The following SYP variants were observed in gnomAD, a reference collection of about 807,000 sequenced individuals.
The protein encoded by SYP is major synaptic vesicle protein P38.
A neutral mutation model predicts 24.3 loss-of-function variants in SYP; 2 were observed. That is an observed-to-expected ratio of 0.08 (90% confidence interval 0.03 to 0.26). The LOEUF (loss-of-function observed/expected upper bound fraction) is 0.26. Among genes scored for constraint, SYP ranks in the 10% least tolerant of loss-of-function variants. The probability of loss-of-function intolerance (pLI) is 1.00; values close to 1 mark genes in which losing one functional copy is unlikely to be tolerated. For synonymous variants in SYP, 143 were observed against 123.2 expected (o/e 1.16, Z -1.07); for missense variants, 216 against 266.3 (o/e 0.81, Z 1.32).
chrX:49,197,574 A>T (rs2147884026), intron 3 of SYP, 141 bp downstream of exon 3: 1 of 889,771 alleles, frequency 1.1e-6, no homozygotes, highest in East Asian at 3.4e-5. Flanking sequence ...TGCCAGGTAC[A>T]AGGCAGGTGC....
intron 1 of SYP, 65 bp from the exon 2 acceptor site, chrX:49,199,098 C>A: frequency 9.1e-7 from 1 of 1,101,519 alleles, no homozygotes; most frequent in Non-Finnish European, 1.2e-6. Flanking sequence ...AGCGGCAAGG[C>A]TGCCCATCAA....
chrX:49,190,324 C>T (rs1032731657), intron 6 of SYP, among the ~76,000 whole-genome samples: 9 of 109,218 alleles, frequency 8.2e-5, no homozygotes, highest in Non-Finnish European at 1.7e-4. Context: ...GAACTACAGA[C>T]GTGCGCCACC....
intron 3 of SYP, among the ~76,000 whole-genome samples, chrX:49,195,860 T>C (rs2065526718): frequency 8.9e-6 from 1 of 112,320 alleles, no homozygotes; most frequent in South Asian, 3.7e-4. Flanking sequence ...AGACCCTTTT[T>C]ACAGATGAAT....
rs1266304876 is a variant in SYP at position 49,189,127 on chromosome X, GATAA to G, written c.*156_*159del. 3.7e-5 allele frequency: 4 copies of G among 108,473 alleles called. No homozygotes were observed. Among genetic ancestry groups the G allele is most frequent in the African/African-American group, 1.0e-4 (3 of 29,685 alleles). 8.9% of individuals were successfully genotyped at this position (108,473 alleles called of 1,213,427 possible). ...GTGGAGTGAGGGCAGGGCTCAGACA[GATAA>G]ATAGATATTTATATATAATATATAT... On this transcript the variant is annotated 3_prime_UTR_variant, in exon 7 of 7. Transcript: ENST00000263233.
At chrX:49,197,904 C>T (rs2065534261) in intron 2 of SYP, 65 bp from the exon 3 acceptor site, 1 of 1,194,762 alleles carries the variant, frequency 8.4e-7, no homozygotes, top group African/African-American at 1.7e-5. Flanking sequence ...AGGTGCCCTC[C>T]TCTGGACAGA....
At chrX:49,197,980 A>C in intron 2 of SYP, 141 bp from the exon 3 acceptor site, 59 of 782,434 alleles carry the variant, frequency 7.5e-5, no homozygotes, top group Non-Finnish European at 1.0e-4. Flanking sequence ...ATCAGGGCTC[A>C]TCGGGACCAA....
At chrX:49,191,871 G>T in intron 5 of SYP, 108 bp from the exon 6 acceptor site, 1 of 909,959 alleles carries the variant, frequency 1.1e-6, no homozygotes, top group Non-Finnish European at 1.6e-6. Context: ...CAAGGTGGGG[G>T]TTTCTGAAAC....
At chrX:49,193,675 G>C (rs2065518729) in intron 4 of SYP, among the ~76,000 whole-genome samples, 1 of 113,013 alleles carries the variant, frequency 8.8e-6, no homozygotes, top group African/African-American at 3.2e-5. Flanking sequence ...GTGTGATTGT[G>C]ATATGTGGCT....
At chrX:49,194,865 C>T (rs782663114) in intron 3 of SYP, among the ~76,000 whole-genome samples, 255 of 110,842 alleles carry the variant, frequency 2.3e-3, no homozygotes, top group African/African-American at 7.8e-3. Flanking sequence ...TGCGCCGCTA[C>T]GCCCAGCTAA....
In SYP at chrX:49,191,599, G is replaced by A. The variant is rs1557102736; in HGVS notation, c.780C>T (p.Gly260=). 1 of 1,209,553 alleles carries A rather than the reference G, an allele frequency of 8.3e-7. No homozygotes were observed. Among genetic ancestry groups the A allele is most frequent in the Non-Finnish European group, 1.1e-6 (1 of 894,796 alleles). ...CGTAGGAATCCTGGGGCCCGTACCC[G>A]CCGGGGCCCTGCCCGTAGCCTGCAT... is the stretch of plus-strand genomic sequence containing the variant. ...YGDAGYGQGP[G]GYGPQDSYGP... The change falls in exon 6 of 7, where the codon GGC becomes GGT. Residue 260 remains glycine, a synonymous_variant. Coordinates refer to ENST00000263233, the MANE Select transcript of SYP (RefSeq NM_003179.3).
Position 49,191,488 on chromosome X carries a change from C to T in SYP, c.891G>A (p.Gln297=). 8.3e-7 allele frequency: 1 copy of T among 1,211,654 alleles called. No individual in the cohort carries two copies. The highest frequency in any genetic ancestry group is 1.1e-6 in the Non-Finnish European group (1 of 895,518). The change falls in exon 6 of 7, where the codon CAG becomes CAA. Residue 297 remains glutamine (Q), a synonymous_variant. Transcript: ENST00000263233. ...SGYGPQGDYG[Q]QGYGPQGAPT... is the part of the protein sequence containing the mutation. Reference sequence around the variant, plus strand: ...GTGCACCCTGCGGGCCGTAGCCTTGCTGCCCATAGTCGCCCTGAGGCCCGT... The same window carrying T: ...GTGCACCCTGCGGGCCGTAGCCTTGTTGCCCATAGTCGCCCTGAGGCCCGT...
In SYP at chrX:49,193,472, G is replaced by A. The variant is rs376119622; in HGVS notation, c.424-9C>T. ...GCCGTGGCCAGAAAGTCCTAAGGCA[G>A]GCAGGGGTGAGGAAGACAGCACTGT... On this transcript the variant is annotated splice_polypyrimidine_tract_variant and intron_variant, in intron 4 of 6. Transcript: ENST00000263233. 56 of 1,209,773 alleles carry A rather than the reference G, an allele frequency of 4.6e-5. No homozygotes were observed. In the African/African-American group the frequency reaches 9.5e-4, roughly 21 times the overall value.
At chrX:49,190,115 TTTTCCTCCTGCC>T (rs1557102461) in intron 6 of SYP, among the ~76,000 whole-genome samples, 2 of 110,587 alleles carry the variant, frequency 1.8e-5, no homozygotes, top group Middle Eastern at 4.6e-3. Context: ...CCCCTTAGCC[TTTTCCTCCTGCC>T]TTTCCTCCCC....
chrX:49,198,034 C>G (rs1471032345), intron 2 of SYP, 195 bp from the exon 3 acceptor site: 1 of 473,561 alleles, frequency 2.1e-6, no homozygotes, highest in African/African-American at 2.4e-5. Context: ...TCCTGTTTCT[C>G]TCTCTGTGTC....
At chrX:49,192,628 T>G (rs1272557099) in intron 5 of SYP, among the ~76,000 whole-genome samples, 1 of 112,501 alleles carries the variant, frequency 8.9e-6, no homozygotes, top group Non-Finnish European at 1.9e-5. Context: ...CATTTTACAG[T>G]TGAGGAAACT....
In SYP at chrX:49,198,976, G is replaced by C; in HGVS notation, c.94C>G (p.Leu32Val). The change falls in exon 2 of 7, where the codon CTG (leucine) becomes GTG (valine). Residue 32 changes from leucine to valine, a missense_variant. Leu to Val is a conservative substitution (Grantham distance 32). Coordinates refer to ENST00000263233, the MANE Select transcript of SYP (RefSeq NM_003179.3). ...VKEPLGFVKV[L>V]QWVFAIFAFA... ...GCCCGGACCACACTCACCCATTGCA[G>C]CACCTTCACAAAGCCGAGGGGCTCC... The C allele has an allele frequency of 1.7e-6, 2 of 1,211,365 alleles. No homozygotes were observed. Among genetic ancestry groups the C allele is most frequent in the Non-Finnish European group, 2.2e-6 (2 of 895,348 alleles).
At chrX:49,194,394 C>T in intron 3 of SYP, 33 bp from the exon 4 acceptor site, 1 of 1,186,894 alleles carries the variant, frequency 8.4e-7, no homozygotes, top group Non-Finnish European at 1.1e-6. Flanking sequence ...GTGGCCCAGC[C>T]CCTCAGAACA....
At chrX:49,199,123 G>T in intron 1 of SYP, 90 bp from the exon 2 acceptor site, 1 of 912,900 alleles carries the variant, frequency 1.1e-6, no homozygotes, top group Non-Finnish European at 1.6e-6. Context: ...CCCAGGGGAT[G>T]GAGCATGTGA....
chrX:49,191,061 A>G, intron 6 of SYP: 1 of 296,148 alleles, frequency 3.4e-6, no homozygotes, highest in South Asian at 3.8e-5. Flanking sequence ...TCTAAGACCC[A>G]CCTCCTCGTC....
Sources: gnomAD v4.1 joint callset for allele counts (sites outside exome capture counted in the v4.1 genomes callset) on GRCh38, gnomAD v4.1.1 for gene constraint, MANE v1.5 for transcripts, NCBI Gene and HGNC (gene_info 2026-07-23, HGNC 2026-07-21) for gene names.